ENAH: variants seen among roughly 807,000 people sequenced by gnomAD.
ENAH encodes the protein protein enabled homolog.
In ENAH, 23 loss-of-function variants were observed where a neutral mutation model predicts 78.7. The observed-to-expected ratio is 0.29, with a 90% CI of 0.21 to 0.41. The LOEUF (loss-of-function observed/expected upper bound fraction) is 0.41, where lower values mean the gene tolerates loss of function less well. Among genes scored for constraint, ENAH ranks in the 10% least tolerant of loss-of-function variants. The probability of loss-of-function intolerance (pLI) is 1.00; values close to 1 mark genes in which losing one functional copy is unlikely to be tolerated. For missense variants in ENAH, 544 were observed against 691.0 expected, an observed-to-expected ratio of 0.79 and a Z score of 2.39; for synonymous variants, 226 against 241.0, an observed-to-expected ratio of 0.94 and a Z score of 0.58.
Position 225,495,743 on chromosome 1 carries a change from C to T in ENAH, c.*2032G>A, listed in dbSNP as rs914309589. On this transcript the variant is annotated 3_prime_UTR_variant, in exon 14 of 14. Coordinates refer to ENST00000366843, the MANE Select transcript of ENAH (RefSeq NM_018212.6). The stretch of plus-strand genomic sequence containing the variant: ...AAGTACAATAATAAAGATGAAAATG[C>T]CTCCTATTTCTTTTAGAAAATAATA... The T allele has an allele frequency of 2.6e-5, 4 of 151,394 alleles. No homozygotes were observed. Among genetic ancestry groups the T allele is most frequent in the African/African-American group, 7.3e-5 (3 of 41,190 alleles). 9.4% of individuals were successfully genotyped at this position (151,394 alleles called of 1,614,324 possible). A position where few individuals can be genotyped will look rare whatever the true frequency, so the allele number is the denominator to read the frequency against.
chr1:225,498,879 G>T (rs2151026731), intron 12 of ENAH, among the ~76,000 whole-genome samples: 1 of 152,302 alleles, frequency 6.6e-6, no homozygotes, highest in South Asian at 2.1e-4. Context: ...ATATTTCAAG[G>T]AGTCTAGGAT....
At chr1:225,575,887 T>C (rs2096785343) in intron 1 of ENAH, among the ~76,000 whole-genome samples, 1 of 152,150 alleles carries the variant, frequency 6.6e-6, no homozygotes, top group Non-Finnish European at 1.5e-5. Context: ...TCTGTAAACT[T>C]GGAGTAAGAG....
chr1:225,509,497 G>A (rs1402418889), intron 10 of ENAH, among the ~76,000 whole-genome samples: 1 of 152,142 alleles, frequency 6.6e-6, no homozygotes, highest in Non-Finnish European at 1.5e-5. Context: ...TTCTCTCTAA[G>A]GAGCTCGGGT....
intron 4 of ENAH, among the ~76,000 whole-genome samples, chr1:225,529,505 A>C (rs180729333): frequency 1.3e-5 from 2 of 152,240 alleles, no homozygotes; most frequent in East Asian, 3.9e-4. Context: ...TTCACAACAT[A>C]TAATCCTCCT....
intron 3 of ENAH, among the ~76,000 whole-genome samples, chr1:225,552,134 C>CT (rs397983036): frequency 0.81 from 93,235 of 115,626 alleles, 38,288 homozygotes; most frequent in Middle Eastern, 0.87. Flanking sequence ...ACTCCTGATT[C>CT]TTTTTTTTTT....
chr1:225,502,212 G>A (rs999686621), intron 11 of ENAH, among the ~76,000 whole-genome samples: 2 of 152,104 alleles, frequency 1.3e-5, no homozygotes, highest in African/African-American at 4.8e-5. Flanking sequence ...TTTTGTTGTT[G>A]TTGTTGCTGC....
rs1331160869 is a variant in ENAH, at chr1:225,496,321, CTT to C, written c.*1452_*1453del. 2 of 151,868 alleles carry C rather than the reference CTT, an allele frequency of 1.3e-5. No homozygotes were observed. The highest frequency in any genetic ancestry group is 4.9e-5 in the African/African-American group (2 of 41,136). The allele number at this position is 151,868 out of a possible 1,614,324, so 9.4% of individuals were successfully genotyped here. A position where few individuals can be genotyped will look rare whatever the true frequency, so the allele number is the denominator to read the frequency against. The stretch of plus-strand genomic sequence containing the variant: ...GAGTGGCAGGCAGAGTGTCTAATTC[CTT>C]CTTCCCACCTTCCTTCTTCCCACCA... On this transcript the variant is annotated 3_prime_UTR_variant, in exon 14 of 14. Coordinates refer to ENST00000366843, the MANE Select transcript of ENAH (RefSeq NM_018212.6).
chr1:225,531,862 A>C (rs2096539351), intron 3 of ENAH, among the ~76,000 whole-genome samples: 1 of 152,046 alleles, frequency 6.6e-6, no homozygotes, highest in African/African-American at 2.4e-5. Context: ...CTTACCTACT[A>C]ACTTTTTTTC....
chr1:225,552,403 G>A (rs1036500398), intron 3 of ENAH, among the ~76,000 whole-genome samples: 3 of 152,138 alleles, frequency 2.0e-5, no homozygotes, highest in African/African-American at 7.2e-5. Context: ...CTCCCAAAGT[G>A]CTGGGATTAC....
At chr1:225,651,393 T>A (rs967015384) in intron 1 of ENAH, among the ~76,000 whole-genome samples, 3 of 151,200 alleles carry the variant, frequency 2.0e-5, no homozygotes, top group Non-Finnish European at 4.4e-5. Context: ...TTAACCTTGA[T>A]AGAAAAAAAA....
chr1:225,521,918 C>G (rs1489621748), intron 4 of ENAH, among the ~76,000 whole-genome samples: 1 of 152,058 alleles, frequency 6.6e-6, no homozygotes, highest in African/African-American at 2.4e-5. Context: ...GCCTCAGCCT[C>G]CCGAGTAGCT....
intron 5 of ENAH, 104 bp from the exon 6 acceptor site, chr1:225,517,410 G>T: frequency 6.4e-7 from 1 of 1,551,820 alleles, no homozygotes; most frequent in South Asian, 1.2e-5. Flanking sequence ...AGAGTGATGC[G>T]AGGGAAGGCA....
At chr1:225,508,535 A>G (rs1442117872) in intron 10 of ENAH, 5 of 152,394 alleles carry the variant, frequency 3.3e-5, no homozygotes, top group South Asian at 2.1e-4. Flanking sequence ...AAATATCAGA[A>G]TCCTGAAATT....
chr1:225,569,344 G>A (rs1279473287), intron 1 of ENAH, among the ~76,000 whole-genome samples: 1 of 152,192 alleles, frequency 6.6e-6, no homozygotes, highest in Non-Finnish European at 1.5e-5. Flanking sequence ...AGCTGGGGGA[G>A]GGACAGCGTT....
chr1:225,644,596 A>C (rs1007375111), intron 1 of ENAH, among the ~76,000 whole-genome samples: 1 of 152,208 alleles, frequency 6.6e-6, no homozygotes, highest in African/African-American at 2.4e-5. Context: ...ATTTGACCTC[A>C]AGAGCTATTC....
At chr1:225,546,469 G>A (rs1231413691) in intron 3 of ENAH, among the ~76,000 whole-genome samples, 1 of 152,204 alleles carries the variant, frequency 6.6e-6, no homozygotes, top group Non-Finnish European at 1.5e-5. Flanking sequence ...GGCAAGGGAA[G>A]AGAACAGAAG....
intron 11 of ENAH, 92 bp from the exon 12 acceptor site, chr1:225,501,162 A>G: frequency 1.2e-6 from 1 of 855,614 alleles, no homozygotes; most frequent in Non-Finnish European, 1.8e-6. Flanking sequence ...CCAACACCAG[A>G]TTTAAATACA....
intron 1 of ENAH, among the ~76,000 whole-genome samples, chr1:225,609,476 T>C (rs1360827424): frequency 2.0e-5 from 3 of 151,918 alleles, no homozygotes; most frequent in African/African-American, 7.3e-5. Flanking sequence ...GGGAGGAGAA[T>C]GTAAAACAGC....
At chr1:225,503,674 AAAAAC>A (rs2096301551) in intron 11 of ENAH, among the ~76,000 whole-genome samples, 2 of 150,014 alleles carry the variant, frequency 1.3e-5, no homozygotes, top group Admixed American at 1.3e-4. Flanking sequence ...AAAAAAAAAA[AAAAAC>A]ACAAAACTAT....
Sources: gnomAD v4.1 joint callset for allele counts (sites outside exome capture counted in the v4.1 genomes callset) on GRCh38, gnomAD v4.1.1 for gene constraint, MANE v1.5 for transcripts, NCBI Gene and HGNC (gene_info 2026-07-23, HGNC 2026-07-21) for gene names.